PHEX: variants seen among roughly 807,000 people sequenced by gnomAD.
PHEX encodes the protein phosphate-regulating neutral endopeptidase PHEX.
A neutral mutation model predicts 68.0 loss-of-function variants in PHEX; 16 were observed. The observed-to-expected ratio is 0.24, with a 90% CI of 0.16 to 0.36. The LOEUF (loss-of-function observed/expected upper bound fraction) is 0.36, where lower values mean the gene tolerates loss of function less well. Among genes scored for constraint, PHEX ranks in the 10% least tolerant of loss-of-function variants. The probability of loss-of-function intolerance (pLI) is 1.00; values close to 1 mark genes in which losing one functional copy is unlikely to be tolerated. For missense variants in PHEX, 480 were observed against 575.5 expected, an observed-to-expected ratio of 0.83 and a Z score of 1.70; for synonymous variants, 208 against 205.1, an observed-to-expected ratio of 1.01 and a Z score of -0.12.
intron 7 of PHEX, 61 bp downstream of exon 7, chrX:22,094,160 T>C: frequency 1.5e-6 from 1 of 675,249 alleles, no homozygotes; most frequent in Non-Finnish European, 2.4e-6. Flanking sequence ...CTTTACTTTC[T>C]TTTCCTTTCC....
chrX:22,061,903 A>G (rs939069762), intron 3 of PHEX, among the ~76,000 whole-genome samples: 1 of 111,939 alleles, frequency 8.9e-6, no homozygotes, highest in East Asian at 2.8e-4. Flanking sequence ...AAAGAGGTTT[A>G]ATTGACTCAC....
In PHEX at chrX:22,077,653, G is replaced by A. The variant is rs1388893387; in HGVS notation, c.614G>A (p.Arg205His). Residue 205 changes from arginine to histidine, a missense_variant, in exon 5 of 22, where the codon CGT (arginine) becomes CAT (histidine). Physicochemically the swap from Arg to His is conservative, Grantham distance 29 (BLOSUM62 0). Transcript: ENST00000379374. Reference sequence around the variant, plus strand: ...CAATACAGCAATTCTGTGTTCATCCGTTTGTATGTGTCCCCTGATGACAAA... The same window carrying A: ...CAATACAGCAATTCTGTGTTCATCCATTTGTATGTGTCCCCTGATGACAAA... ...RGQYSNSVFI[R>H]LYVSPDDKAS... The A allele has an allele frequency of 1.5e-5, 18 of 1,207,516 alleles. No homozygotes were observed. The highest frequency in any genetic ancestry group is 5.3e-5 in the South Asian group (3 of 56,772).
At chrX:22,174,019 GGGTGGT>G (rs895259900) in intron 13 of PHEX, among the ~76,000 whole-genome samples, 1 of 111,845 alleles carries the variant, frequency 8.9e-6, no homozygotes, top group Non-Finnish European at 1.9e-5. Flanking sequence ...TCCATCTTTG[GGGTGGT>G]GGTGGTGGTA....
intron 1 of PHEX, among the ~76,000 whole-genome samples, chrX:22,035,679 T>C (rs1926973070): frequency 9.0e-6 from 1 of 111,669 alleles, no homozygotes; most frequent in Admixed American, 9.6e-5. Flanking sequence ...CCCTGCTTTC[T>C]GGCCATTCTT....
chrX:22,246,013 AG>A (rs754943229), intron 21 of PHEX, among the ~76,000 whole-genome samples: 2 of 111,981 alleles, frequency 1.8e-5, no homozygotes, highest in South Asian at 7.5e-4. Context: ...GAGGATACAA[AG>A]TATTATTCAG....
chrX:22,192,505 T>A (rs1934230719), intron 15 of PHEX, among the ~76,000 whole-genome samples: 1 of 111,720 alleles, frequency 9.0e-6, no homozygotes. Flanking sequence ...ATAATGGCCT[T>A]AAGGTCTGTT....
intron 11 of PHEX, among the ~76,000 whole-genome samples, chrX:22,128,239 A>ATT (rs1931822246): frequency 9.3e-6 from 1 of 107,206 alleles, no homozygotes; most frequent in South Asian, 4.2e-4. Context: ...CTTTTTTTGT[A>ATT]TCTAGTAGAG....
intron 18 of PHEX, among the ~76,000 whole-genome samples, chrX:22,222,850 G>T (rs2096879918): frequency 8.9e-6 from 1 of 111,780 alleles, no homozygotes; most frequent in Non-Finnish European, 1.9e-5. Context: ...TTAAACTGAG[G>T]TTCAAAGAGA....
At chrX:22,147,162 G>T (rs773581775) in intron 12 of PHEX, among the ~76,000 whole-genome samples, 2 of 110,507 alleles carry the variant, frequency 1.8e-5, no homozygotes, top group Non-Finnish European at 1.9e-5. Context: ...GTTTTTTTTT[G>T]TTATCCAAAT....
rs772787874 is a variant in PHEX at position 22,036,960 on chromosome X, G to A, written c.119-1509G>A. Among the ~76,000 whole-genome samples the A allele has an allele frequency of 7.4e-5, 8 of 107,880 alleles. No homozygotes were observed. The South Asian group carries it at 1.2e-3, about 17-fold the overall frequency. 93.7% of individuals were successfully genotyped at this position (107,880 alleles called of 115,157 possible). On this transcript the variant is annotated intron_variant, in intron 1 of 21. Transcript: ENST00000379374. ...AAAAATACAAAAAAATTAGCCGGGC[G>A]TGGTGGCGGGTGCCTGTAGTCCCAG...
At chrX:22,099,818 T>A (rs1442123565) in intron 9 of PHEX, among the ~76,000 whole-genome samples, 1 of 112,349 alleles carries the variant, frequency 8.9e-6, no homozygotes, top group Non-Finnish European at 1.9e-5. Context: ...TCAACGAGTT[T>A]ACAAAACACT....
chrX:22,145,907 C>A (rs1329120056), intron 12 of PHEX, among the ~76,000 whole-genome samples: 1 of 112,205 alleles, frequency 8.9e-6, no homozygotes, highest in African/African-American at 3.2e-5. Flanking sequence ...CAAGTTGGTG[C>A]CCTAAGCACT....
Position 22,092,654 on chromosome X carries a change from T to G in PHEX, c.733-1329T>G, listed in dbSNP as rs746046578. 9.0e-5 allele frequency among the ~76,000 whole-genome samples: 10 copies of G among 110,814 alleles called. No homozygotes were observed. In the East Asian group the frequency reaches 2.8e-3, roughly 31 times the overall value. On this transcript the variant is annotated intron_variant, in intron 6 of 21. Transcript: ENST00000379374. ...TCCCAAAATGTTGGAATTACAAGTG[T>G]GAGCCACCACCTCCGGCCAATAAAT... is the stretch of plus-strand genomic sequence containing the variant.
chrX:22,050,263 A>G (rs887778591), intron 3 of PHEX, among the ~76,000 whole-genome samples: 3 of 112,080 alleles, frequency 2.7e-5, no homozygotes, highest in Non-Finnish European at 3.8e-5. Flanking sequence ...TGAATTTCTT[A>G]GATAGTTAAT....
At position 22,248,824 on chromosome X, in the gene PHEX, T is replaced by C. The variant is rs964515664; in HGVS notation, c.*871T>C. The stretch of plus-strand genomic sequence containing the variant: ...CACTTTTTTTTAGCCTAATTCTTGT[T>C]CGTTTCATTACCTTCATATGTGTGC... On this transcript the variant is annotated 3_prime_UTR_variant, in exon 22 of 22. Transcript: ENST00000379374. 5 of 111,657 alleles carry C rather than the reference T, an allele frequency of 4.5e-5. No homozygotes were observed. Among genetic ancestry groups the C allele is most frequent in the Admixed American group, 2.8e-4 (3 of 10,527 alleles). The allele number at this position is 111,657 out of a possible 1,213,427, so 9.2% of individuals were successfully genotyped here. A position where few individuals can be genotyped will look rare whatever the true frequency, so the allele number is the denominator to read the frequency against.
chrX:22,238,876 C>A (rs1245856031), intron 20 of PHEX, among the ~76,000 whole-genome samples: 1 of 112,026 alleles, frequency 8.9e-6, no homozygotes, highest in Non-Finnish European at 1.9e-5. Flanking sequence ...TCGAGCTCTG[C>A]TAAGGGTCAG....
chrX:22,193,613 G>A (rs1181755419), intron 15 of PHEX, among the ~76,000 whole-genome samples: 1 of 111,597 alleles, frequency 9.0e-6, no homozygotes, highest in Non-Finnish European at 1.9e-5. Flanking sequence ...AGCATGTGGT[G>A]GTAGGTTGTT....
At chrX:22,069,437 A>G (rs895827492) in intron 3 of PHEX, among the ~76,000 whole-genome samples, 1 of 111,869 alleles carries the variant, frequency 8.9e-6, no homozygotes, top group African/African-American at 3.2e-5. Flanking sequence ...TAAAAGAGTT[A>G]TCTTCTGTTA....
intron 6 of PHEX, among the ~76,000 whole-genome samples, chrX:22,092,099 C>T (rs905280602): frequency 8.9e-6 from 1 of 111,760 alleles, no homozygotes. Flanking sequence ...CCCTTCACTG[C>T]GTTGGAACCA....
Sources: gnomAD v4.1 joint callset for allele counts (sites outside exome capture counted in the v4.1 genomes callset) on GRCh38, gnomAD v4.1.1 for gene constraint, MANE v1.5 for transcripts, NCBI Gene and HGNC (gene_info 2026-07-23, HGNC 2026-07-21) for gene names.